Variants in KSR1 observed in about 807,000 individuals in gnomAD.
The protein encoded by KSR1 is kinase suppressor of ras.
In KSR1, 35 loss-of-function variants were observed where a neutral mutation model predicts 92.9. The observed-to-expected ratio is 0.38, with a 90% CI of 0.29 to 0.50. The LOEUF (loss-of-function observed/expected upper bound fraction) is 0.50. Ranked by LOEUF, KSR1 falls within the 20% of genes least tolerant of loss-of-function variation. The pLI is 0.94. For synonymous variants in KSR1, 467 were observed against 472.6 expected, an observed-to-expected ratio of 0.99 and a Z score of 0.15; for missense variants, 972 against 1,158.5, an observed-to-expected ratio of 0.84 and a Z score of 2.34.
intron 1 of KSR1, among the ~76,000 whole-genome samples, chr17:27,549,493 AC>A (rs1470662495): frequency 6.6e-6 from 1 of 152,202 alleles, no homozygotes; most frequent in East Asian, 1.9e-4. Flanking sequence ...AATGCTGGGC[AC>A]CCAGCCAGAG....
At position 27,597,441 on chromosome 17, in the gene KSR1, C is replaced by G; in HGVS notation, c.1468+5C>G. 6.3e-7 allele frequency: 1 copy of G among 1,598,154 alleles called. No individual in the cohort carries two copies. Among genetic ancestry groups the G allele is most frequent in the East Asian group, 2.2e-5 (1 of 44,642 alleles). On this transcript the variant is annotated splice_donor_5th_base_variant and intron_variant, in intron 10 of 20. Coordinates refer to ENST00000644974, the MANE Select transcript of KSR1 (RefSeq NM_001394583.1). Reference sequence around the variant, plus strand: ...ACAGCAGGTTCAACTTCCCAGGTACCACATCTCCAGGCTTTTCTGGGTTCT... The same window carrying G: ...ACAGCAGGTTCAACTTCCCAGGTACGACATCTCCAGGCTTTTCTGGGTTCT...
At chr17:27,557,269 C>T (rs972575730) in intron 2 of KSR1, among the ~76,000 whole-genome samples, 1 of 152,194 alleles carries the variant, frequency 6.6e-6, no homozygotes, top group Non-Finnish European at 1.5e-5. Flanking sequence ...GAGATTGGCA[C>T]CCTGAAGGAA....
intron 12 of KSR1, among the ~76,000 whole-genome samples, 194 bp downstream of exon 12, chr17:27,604,082 T>C (rs922344492): frequency 5.9e-5 from 9 of 152,002 alleles, no homozygotes; most frequent in African/African-American, 1.7e-4. Flanking sequence ...CGGTCAACAT[T>C]GGGTGGGGCC....
At chr17:27,485,113 C>CTAA (rs1317827487) in intron 1 of KSR1, among the ~76,000 whole-genome samples, 1 of 152,180 alleles carries the variant, frequency 6.6e-6, no homozygotes, top group Non-Finnish European at 1.5e-5. Context: ...CTGCCCCTGC[C>CTAA]TAATACAAGA....
At chr17:27,536,508 G>A (rs1307115493) in intron 1 of KSR1, among the ~76,000 whole-genome samples, 1 of 152,164 alleles carries the variant, frequency 6.6e-6, no homozygotes, top group Non-Finnish European at 1.5e-5. Flanking sequence ...TTATCCACAC[G>A]CACTTCAGTC....
intron 1 of KSR1, among the ~76,000 whole-genome samples, chr17:27,468,530 G>C (rs1227297066): frequency 6.6e-6 from 1 of 152,200 alleles, no homozygotes; most frequent in Non-Finnish European, 1.5e-5. Context: ...TGCCTGGCCT[G>C]TGGCCAATCT....
intron 2 of KSR1, among the ~76,000 whole-genome samples, chr17:27,576,238 T>C (rs1259576136): frequency 6.6e-6 from 1 of 152,192 alleles, no homozygotes; most frequent in Non-Finnish European, 1.5e-5. Context: ...CTGTATATAG[T>C]AATACCCCCT....
Position 27,603,925 on chromosome 17 carries a change from G to C in KSR1, c.1565+37G>C, listed in dbSNP as rs748259558. ...TAGGTGGTGTCCCCTTCGCTTCTTT[G>C]GGGAATTATTAAGGCTGGATCCATA... On this transcript the variant is annotated intron_variant, in intron 12 of 20. Transcript: ENST00000644974. 2.5e-6 allele frequency: 4 copies of C among 1,605,324 alleles called. No individual in the cohort carries two copies. In the African/African-American group the frequency reaches 5.4e-5, roughly 21 times the overall value.
intron 1 of KSR1, among the ~76,000 whole-genome samples, chr17:27,486,606 A>G (rs1462754399): frequency 6.6e-6 from 1 of 152,014 alleles, no homozygotes; most frequent in African/African-American, 2.4e-5. Context: ...AGCCCCGGGG[A>G]TGGGGTAGGG....
chr17:27,610,322 A>G lies in KSR1; in HGVS notation c.2357+124A>G, dbSNP rs1448021601. On this transcript the variant is annotated intron_variant, in intron 17 of 20. Coordinates refer to ENST00000644974, the MANE Select transcript of KSR1 (RefSeq NM_001394583.1). ...ACCCAGGCTCTGGAGTAAAAAATCA[A>G]CCTTGAGTCCTGGCTCTGCCGCTTG... is the stretch of plus-strand genomic sequence containing the variant. 1.6e-5 allele frequency: 21 copies of G among 1,337,478 alleles called. No homozygotes were observed. The East Asian group carries it at 3.8e-4, about 24-fold the overall frequency. 82.9% of individuals were successfully genotyped at this position (1,337,478 alleles called of 1,614,324 possible).
chr17:27,520,620 CG>C (rs1237046728), intron 1 of KSR1, among the ~76,000 whole-genome samples: 1 of 152,252 alleles, frequency 6.6e-6, no homozygotes, highest in Admixed American at 6.5e-5. Context: ...CCGTGCAGAA[CG>C]GGCACAGTGG....
At position 27,592,314 on chromosome 17, in the gene KSR1, GC is replaced by G. The variant is rs528992514; in HGVS notation, c.1131-40del. On this transcript the variant is annotated intron_variant, in intron 7 of 20. Coordinates refer to ENST00000644974, the MANE Select transcript of KSR1 (RefSeq NM_001394583.1). ...CACAGAGCTACCCCTGTGTGCCTGA[GC>G]CCCCCCATGTGGTGCTTTGCACACC... The G allele has an allele frequency of 3.7e-5, 56 of 1,515,240 alleles. No individual in the cohort carries two copies. The South Asian group carries it at 5.3e-4, about 14-fold the overall frequency. 93.9% of individuals were successfully genotyped at this position (1,515,240 alleles called of 1,614,324 possible).
chr17:27,617,484 G>A, intron 19 of KSR1, 56 bp downstream of exon 19: 1 of 1,559,792 alleles, frequency 6.4e-7, no homozygotes, highest in African/African-American at 1.4e-5. Flanking sequence ...GCCTCACCTG[G>A]GGTCTTAGAG....
At chr17:27,479,833 ATGAC>A (rs1225784020) in intron 1 of KSR1, among the ~76,000 whole-genome samples, 4 of 152,112 alleles carry the variant, frequency 2.6e-5, no homozygotes, top group Non-Finnish European at 5.9e-5. Flanking sequence ...TGGCATGAGA[ATGAC>A]TGACTAACAG....
chr17:27,606,096 A>G (rs566234230), intron 14 of KSR1, among the ~76,000 whole-genome samples: 2 of 152,270 alleles, frequency 1.3e-5, no homozygotes, highest in South Asian at 4.1e-4. Flanking sequence ...CCTGGGCAAC[A>G]TACTGAGACG....
At chr17:27,552,501 AAGAG>A (rs1403094274) in intron 2 of KSR1, among the ~76,000 whole-genome samples, 1 of 152,202 alleles carries the variant, frequency 6.6e-6, no homozygotes, top group African/African-American at 2.4e-5. Flanking sequence ...TAAGTCCTGC[AAGAG>A]AGGCCAGTGT....
intron 1 of KSR1, among the ~76,000 whole-genome samples, chr17:27,463,531 G>T (rs1203787358): frequency 6.6e-6 from 1 of 152,082 alleles, no homozygotes; most frequent in Non-Finnish European, 1.5e-5. Flanking sequence ...TAAGTGTCAG[G>T]AACTATGGCT....
chr17:27,586,682 T>C (rs2072979855), intron 5 of KSR1, among the ~76,000 whole-genome samples: 1 of 152,194 alleles, frequency 6.6e-6, no homozygotes, highest in Non-Finnish European at 1.5e-5. Flanking sequence ...AGTGAGATTA[T>C]TAGGCCTTCA....
At position 27,507,563 on chromosome 17, in the gene KSR1, C is replaced by CTTTT. The variant is rs751092460; in HGVS notation, c.232-42978_232-42975dup. On this transcript the variant is annotated intron_variant, in intron 1 of 20. Transcript: ENST00000644974. ...GATCATTAAAATCTTTATTGTTTGG[C>CTTTT]TTTTTTTTTTTTTTTTTTTTTTTTT... 6.0e-4 allele frequency among the ~76,000 whole-genome samples: 26 copies of CTTTT among 43,324 alleles called. 7 individuals carry two copies. The highest frequency in any genetic ancestry group is 1.4e-3 in the African/African-American group (16 of 11,298). 28.4% of individuals were successfully genotyped at this position (43,324 alleles called of 152,430 possible).
Sources: allele counts gnomAD v4.1 joint callset (sites outside exome capture counted in the v4.1 genomes callset), GRCh38; gene constraint gnomAD v4.1.1; transcripts MANE v1.5; gene names NCBI Gene and HGNC (gene_info 2026-07-23, HGNC 2026-07-21).